DUT: variants seen among roughly 807,000 people sequenced by gnomAD.
DUT encodes the protein deoxyuridine triphosphatase, also known as deoxyuridine 5'-triphosphate nucleotidohydrolase, mitochondrial.
A neutral mutation model predicts 28.8 loss-of-function variants in DUT; 21 were observed. That is an observed-to-expected ratio of 0.73 (90% CI 0.52 to 1.05). The LOEUF is 1.05. DUT is among the 50% of genes least tolerant of loss of function. DUT has a pLI of 0.00. For synonymous variants in DUT, 147 were observed against 143.7 expected (o/e 1.02, Z -0.17); for missense variants, 344 against 351.8 (o/e 0.98, Z 0.18).
In DUT at chr15:48,342,739, G is replaced by C. The variant is rs1376838501; in HGVS notation, c.*661G>C. On this transcript the variant is annotated 3_prime_UTR_variant, in exon 7 of 7. Transcript: ENST00000331200. ...TATGTTTGTGAAAGACATGTAACTT[G>C]GGGATTTGTTACTTTAGGTTTGTTC... 1 of 152,154 alleles carries C rather than the reference G, an allele frequency of 6.6e-6. No homozygotes were observed. Among genetic ancestry groups the C allele is most frequent in the African/African-American group, 2.4e-5 (1 of 41,444 alleles). The allele number at this position is 152,154 out of a possible 1,614,324, so 9.4% of individuals were successfully genotyped here. A position where few individuals can be genotyped will look rare whatever the true frequency, so the allele number is the denominator to read the frequency against.
chr15:48,331,651 G>A lies in DUT; in HGVS notation c.136G>A (p.Gly46Ser), dbSNP rs765527360. The change falls in exon 1 of 7, where the codon GGC becomes AGC. Residue 46 changes from glycine to serine, a missense_variant. Transcript: ENST00000331200. ...ACTCTCCGGGCCAGGCCCGCCCCTC[G>A]GCCGCGCCGCGCAGCACGGGATTCC... ...AVLSGPGPPL[G>S]RAAQHGIPRP... The A allele has an allele frequency of 4.5e-6, 7 of 1,538,896 alleles. 1 individual carries two copies. The highest frequency in any genetic ancestry group is 2.0e-4 in the Middle Eastern group (1 of 5,114).
intron 4 of DUT, among the ~76,000 whole-genome samples, chr15:48,336,325 ATAAT>A (rs28381115): frequency 1.1e-4 from 17 of 152,316 alleles, no homozygotes; most frequent in South Asian, 8.3e-4. Flanking sequence ...TAATGATATA[ATAAT>A]TAAGTAATTA....
intron 4 of DUT, among the ~76,000 whole-genome samples, chr15:48,339,608 A>G (rs912689865): frequency 3.3e-5 from 5 of 152,276 alleles, no homozygotes; most frequent in Middle Eastern, 6.8e-3. Flanking sequence ...TTTCATAAAT[A>G]TTAAGGTGTA....
At position 48,332,401 on chromosome 15, in the gene DUT, G is replaced by T. The variant is rs1461121763; in HGVS notation, c.414G>T (p.Leu138=). Reference sequence around the variant, plus strand: ...CCGCGCGCGCCGCGGGCTACGACCTGTACAGGTGAGCGGGGACCTGCCGGC... The same window carrying T: ...CCGCGCGCGCCGCGGGCTACGACCTTTACAGGTGAGCGGGGACCTGCCGGC... ...RGSARAAGYD[L]YSAYDYTIPP... Residue 138 remains leucine (L), a synonymous_variant, in exon 2 of 7, where the codon CTG becomes CTT. Coordinates refer to ENST00000331200, the MANE Select transcript of DUT (RefSeq NM_001025248.2). The T allele has an allele frequency of 1.3e-6, 2 of 1,560,304 alleles. No individual in the cohort carries two copies. Among genetic ancestry groups the T allele is most frequent in the Middle Eastern group, 1.7e-4 (1 of 5,938 alleles).
intron 1 of DUT, 93 bp from the exon 2 acceptor site, chr15:48,332,175 C>T (rs2042422096): frequency 1.0e-5 from 15 of 1,461,406 alleles, no homozygotes; most frequent in Non-Finnish European, 1.4e-5. Flanking sequence ...TCGGTTTTGG[C>T]GCGCTCCCTG....
At chr15:48,341,398 G>C in intron 5 of DUT, 35 bp downstream of exon 5, 1 of 1,576,408 alleles carries the variant, frequency 6.3e-7, no homozygotes, top group South Asian at 1.1e-5. Context: ...TAATTTTAGT[G>C]AATTTTCAGA....
At chr15:48,334,837 T>C (rs2042457606) in intron 3 of DUT, among the ~76,000 whole-genome samples, 1 of 152,208 alleles carries the variant, frequency 6.6e-6, no homozygotes, top group Non-Finnish European at 1.5e-5. Context: ...TAACCTTTTC[T>C]TGTTTGGCCA....
At chr15:48,331,283 T>A, upstream of DUT, 1 of 1,452,226 alleles carries the variant, frequency 6.9e-7, no homozygotes, top group African/African-American at 1.4e-5. Context: ...GCAAGAGGGC[T>A]AGGCAGCCAG....
chr15:48,335,867 C>A (rs2042469685), intron 3 of DUT, among the ~76,000 whole-genome samples, 179 bp from the exon 4 acceptor site: 1 of 152,168 alleles, frequency 6.6e-6, no homozygotes, highest in Non-Finnish European at 1.5e-5. Context: ...ACTAGTCTTT[C>A]CAACTTTGGT....
chr15:48,331,662 G>A lies in DUT; in HGVS notation c.147G>A (p.Ala49=), dbSNP rs939078630. The A allele has an allele frequency of 6.5e-7, 1 of 1,536,444 alleles. No individual in the cohort carries two copies. Among genetic ancestry groups the A allele is most frequent in the Non-Finnish European group, 8.8e-7 (1 of 1,141,362 alleles). Residue 49 remains alanine (A), a synonymous_variant, in exon 1 of 7, where the codon GCG becomes GCA. Transcript: ENST00000331200. ...SGPGPPLGRA[A]QHGIPRPLSS... ...CAGGCCCGCCCCTCGGCCGCGCCGC[G>A]CAGCACGGGATTCCCCGGCCGCTGT...
Position 48,331,633 on chromosome 15 carries a change from G to T in DUT, c.118G>T (p.Gly40Trp). 6.5e-7 allele frequency: 1 copy of T among 1,544,932 alleles called. No homozygotes were observed. Among genetic ancestry groups the T allele is most frequent in the Non-Finnish European group, 8.7e-7 (1 of 1,145,258 alleles). ...RQRAEAAVLS[G>W]PGPPLGRAAQ... Reference sequence around the variant, plus strand: ...GAGGGCCGAAGCCGCGGTACTCTCCGGGCCAGGCCCGCCCCTCGGCCGCGC... The same window carrying T: ...GAGGGCCGAAGCCGCGGTACTCTCCTGGCCAGGCCCGCCCCTCGGCCGCGC... Residue 40 changes from glycine (G) to tryptophan (W), a missense_variant, in exon 1 of 7, where the codon GGG becomes TGG. Transcript: ENST00000331200.
At position 48,332,290 on chromosome 15, in the gene DUT, T is replaced by G. The variant is rs1289579744; in HGVS notation, c.303T>G (p.Ser101Arg). 8.7e-6 allele frequency: 14 copies of G among 1,609,122 alleles called. No homozygotes were observed. Among genetic ancestry groups the G allele is most frequent in the Non-Finnish European group, 1.2e-5 (14 of 1,178,536 alleles). Reference sequence around the variant, plus strand: ...AAGAGACACCCGCCATTTCACCCAGTAAGCGGGCCCGGCCTGCGGAGGTGG... The same window carrying G: ...AAGAGACACCCGCCATTTCACCCAGGAAGCGGGCCCGGCCTGCGGAGGTGG... ...PGPETPAISP[S>R]KRARPAEVGG... Residue 101 changes from serine to arginine, a missense_variant, in exon 2 of 7, where the codon AGT becomes AGG. Coordinates refer to ENST00000331200, the MANE Select transcript of DUT (RefSeq NM_001025248.2).
Position 48,341,375 on chromosome 15 carries a change from A to G in DUT, c.631+12A>G. On this transcript the variant is annotated intron_variant, in intron 5 of 6. Coordinates refer to ENST00000331200, the MANE Select transcript of DUT (RefSeq NM_001025248.2). ...AGAAAAGTTTGAAGGTATGTTAAATATATACATTCACATAATTTTAGTGAA... is the reference window on the plus strand; with the variant it reads ...AGAAAAGTTTGAAGGTATGTTAAATGTATACATTCACATAATTTTAGTGAA... 1 of 1,591,012 alleles carries G rather than the reference A, an allele frequency of 6.3e-7. No homozygotes were observed. Among genetic ancestry groups the G allele is most frequent in the Non-Finnish European group, 8.6e-7 (1 of 1,159,778 alleles).
chr15:48,331,098 A>G (rs2042400102), upstream of DUT: 2 of 1,420,994 alleles, frequency 1.4e-6, no homozygotes, highest in African/African-American at 1.5e-5. Flanking sequence ...CCCGGGCGCA[A>G]TAACTGTCAC....
chr15:48,334,266 T>G (rs1416457766), intron 2 of DUT, 151 bp from the exon 3 acceptor site: 2 of 457,208 alleles, frequency 4.4e-6, no homozygotes, highest in Non-Finnish European at 7.7e-6. Flanking sequence ...GATGAATTGG[T>G]AATTCATCAT....
rs191286323 is a variant in DUT at position 48,338,807 on chromosome 15, T to G, written c.557-2482T>G. 3.2e-3 allele frequency among the ~76,000 whole-genome samples: 488 copies of G among 152,314 alleles called. 2 individuals carry two copies. Among genetic ancestry groups the G allele is most frequent in the Non-Finnish European group, 5.8e-3 (394 of 68,024 alleles). On this transcript the variant is annotated intron_variant, in intron 4 of 6. Transcript: ENST00000331200. ...ATTATAGCAAAATGTAAAAGCAGCC[T>G]GTGTCTGATATTATGCAAGAGAATA...
At chr15:48,332,676 G>A (rs1353116856) in intron 2 of DUT, 1 of 648,106 alleles carries the variant, frequency 1.5e-6, no homozygotes, top group East Asian at 3.1e-5. Context: ...AGATAGAGAG[G>A]AAGGCCCATG....
At chr15:48,331,337 G>T, upstream of DUT, 1 of 1,442,538 alleles carries the variant, frequency 6.9e-7, no homozygotes, top group Non-Finnish European at 9.1e-7. Context: ...CGTCTTCCTG[G>T]GGCCCCAGGG....
Position 48,331,608 on chromosome 15 carries a change from G to A in DUT, c.93G>A (p.Gln31=), listed in dbSNP as rs940618645. 1.3e-6 allele frequency: 2 copies of A among 1,560,624 alleles called. No homozygotes were observed. The highest frequency in any genetic ancestry group is 1.8e-4 in the Middle Eastern group (1 of 5,514). Residue 31 remains glutamine (Q), a synonymous_variant, in exon 1 of 7, where the codon CAG becomes CAA. Coordinates refer to ENST00000331200, the MANE Select transcript of DUT (RefSeq NM_001025248.2). The part of the protein sequence containing the change: ...SAMQNARGAR[Q]RAEAAVLSGP... Reference sequence around the variant, plus strand: ...TGCAAAACGCGCGAGGCGCACGGCAGAGGGCCGAAGCCGCGGTACTCTCCG... The same window carrying A: ...TGCAAAACGCGCGAGGCGCACGGCAAAGGGCCGAAGCCGCGGTACTCTCCG...
Sources: allele counts gnomAD v4.1 joint callset (sites outside exome capture counted in the v4.1 genomes callset), GRCh38; gene constraint gnomAD v4.1.1; transcripts MANE v1.5; gene names NCBI Gene and HGNC (gene_info 2026-07-23, HGNC 2026-07-21).